The following PIWIL3 variants were observed in gnomAD, a reference collection of about 807,000 sequenced individuals.
The protein encoded by PIWIL3 is piwi like RNA-mediated gene silencing 3, also known as piwi-like protein 3.
In PIWIL3, 101 loss-of-function variants were observed where a neutral mutation model predicts 109.7. The observed-to-expected ratio is 0.92, with a 90% confidence interval of 0.78 to 1.09. The LOEUF is 1.09. Among genes scored for constraint, PIWIL3 ranks in the 50% least tolerant of loss-of-function variants. PIWIL3 has a pLI of 0.00. For synonymous variants in PIWIL3, 373 were observed against 376.4 expected, an observed-to-expected ratio of 0.99 and a Z score of 0.10; for missense variants, 1,031 against 1,072.6, an observed-to-expected ratio of 0.96 and a Z score of 0.54.
chr22:24,760,138 C>T, intron 2 of PIWIL3, 149 bp from the exon 3 acceptor site: 3 of 1,072,072 alleles, frequency 2.8e-6, no homozygotes, highest in Non-Finnish European at 4.0e-6. Context: ...AAGCAACATA[C>T]ATAGCACCTT....
chr22:24,761,010 G>C (rs1394652649), intron 2 of PIWIL3, among the ~76,000 whole-genome samples: 3 of 152,038 alleles, frequency 2.0e-5, no homozygotes, highest in African/African-American at 7.2e-5. Context: ...TGAGGTCATG[G>C]AGATAGGATG....
At chr22:24,771,102 C>T (rs1041601308) in intron 1 of PIWIL3, among the ~76,000 whole-genome samples, 3 of 151,958 alleles carry the variant, frequency 2.0e-5, no homozygotes, top group African/African-American at 7.3e-5. Flanking sequence ...TTCACTCAGC[C>T]CTAAAACTTA....
chr22:24,744,207 A>AAAAAAAAAAAAAAC (rs1569103685), intron 12 of PIWIL3, among the ~76,000 whole-genome samples: 1 of 135,036 alleles, frequency 7.4e-6, no homozygotes. Flanking sequence ...AAAAAAAAAA[A>AAAAAAAAAAAAAAC]CAATGATCTG....
Position 24,728,216 on chromosome 22 carries a change from A to C in PIWIL3, c.1866T>G (p.Asn622Lys). ...TIVTKIAQQM[N>K]CKMGGALWKV... ...TCCAGAGGGCTCCTCCCATCTTGCA[A>C]TTCATCTGCTGGGCAATCTTGGTGA... The change falls in exon 15 of 21, where the codon AAT (asparagine) becomes AAG (lysine). Residue 622 changes from asparagine to lysine, a missense_variant. Asn to Lys is a moderately conservative substitution (Grantham distance 94). Transcript: ENST00000616349. The C allele has an allele frequency of 6.2e-7, 1 of 1,614,184 alleles. No individual in the cohort carries two copies.
Position 24,734,126 on chromosome 22 carries a change from A to G in PIWIL3, c.1665T>C (p.Tyr555=). The part of the protein sequence containing the change: ...MIEVDGDANS[Y]IDTLRKYTRP... ...TAGTATATTTCCGTAATGTGTCTATATAGGAGTTAGCATCACCATCTACTT... is the reference window on the plus strand; with the variant it reads ...TAGTATATTTCCGTAATGTGTCTATGTAGGAGTTAGCATCACCATCTACTT... Residue 555 remains tyrosine, a synonymous_variant, in exon 14 of 21, where the codon TAT becomes TAC. Coordinates refer to ENST00000616349, the MANE Select transcript of PIWIL3 (RefSeq NM_001255975.1). 1.2e-6 allele frequency: 2 copies of G among 1,613,084 alleles called. No individual in the cohort carries two copies. Among genetic ancestry groups the G allele is most frequent in the Non-Finnish European group, 1.7e-6 (2 of 1,179,666 alleles).
intron 4 of PIWIL3, among the ~76,000 whole-genome samples, chr22:24,757,209 A>G (rs1480358301): frequency 1.3e-5 from 2 of 152,156 alleles, no homozygotes; most frequent in Non-Finnish European, 2.9e-5. Flanking sequence ...TTATGCAAGC[A>G]TACATTTAGG....
At chr22:24,720,522 C>T (rs935595107) in intron 19 of PIWIL3, among the ~76,000 whole-genome samples, 5 of 152,062 alleles carry the variant, frequency 3.3e-5, no homozygotes, top group South Asian at 2.1e-4. Context: ...CTGCCTGCCT[C>T]GGCCTCCCAA....
At chr22:24,744,241 T>G (rs942210158) in intron 12 of PIWIL3, among the ~76,000 whole-genome samples, 1 of 92,116 alleles carries the variant, frequency 1.1e-5, no homozygotes, top group African/African-American at 4.0e-5. Flanking sequence ...ACACTTGACC[T>G]ATAAAGACTC....
intron 14 of PIWIL3, among the ~76,000 whole-genome samples, chr22:24,729,349 C>T (rs961263837): frequency 2.6e-5 from 4 of 152,070 alleles, no homozygotes; most frequent in East Asian, 1.9e-4. Flanking sequence ...ACACCGCAGA[C>T]GACGAGACGG....
Position 24,719,848 on chromosome 22 carries a change from G to A in PIWIL3, c.2405C>T (p.Thr802Ile), listed in dbSNP as rs1304747457. Residue 802 changes from threonine to isoleucine, a missense_variant, in exon 20 of 21, where the codon ACC (threonine) becomes ATC (isoleucine). Coordinates refer to ENST00000616349, the MANE Select transcript of PIWIL3 (RefSeq NM_001255975.1). ...VSQSVQDGTVTPTHYNVIYDT... is the reference protein window; with the variant it reads ...VSQSVQDGTVIPTHYNVIYDT... ...ATAGATGACGTTATAATGAGTGGGG[G>A]TAACAGTCCCATCTTGCACAGACTG... 1.2e-6 allele frequency: 2 copies of A among 1,611,408 alleles called. No homozygotes were observed. The highest frequency in any genetic ancestry group is 4.5e-5 in the East Asian group (2 of 44,856).
chr22:24,760,803 AGC>A (rs1925390288), intron 2 of PIWIL3, among the ~76,000 whole-genome samples: 1 of 146,782 alleles, frequency 6.8e-6, no homozygotes, highest in African/African-American at 2.5e-5. Flanking sequence ...AAAAAAAAAA[AGC>A]TGTGACAGGA....
chr22:24,773,630 A>C (rs1926252579), intron 1 of PIWIL3, among the ~76,000 whole-genome samples: 1 of 152,096 alleles, frequency 6.6e-6, no homozygotes, highest in Non-Finnish European at 1.5e-5. Context: ...GTAGGTACAC[A>C]TATACATATG....
At position 24,766,176 on chromosome 22, in the gene PIWIL3, G is replaced by A. The variant is rs151076493; in HGVS notation, c.-22-3655C>T. On this transcript the variant is annotated intron_variant, in intron 1 of 20. Transcript: ENST00000616349. ...ATTTTTTAGTATTTTTTGTGGAGAC[G>A]GGGTTTCACCATGTTGCCTGGGCTG... Among the ~76,000 whole-genome samples the A allele has an allele frequency of 6.8e-3, 1,035 of 152,112 alleles. 7 individuals carry two copies. Among genetic ancestry groups the A allele is most frequent in the Non-Finnish European group, 0.011 (759 of 67,978 alleles).
At chr22:24,759,415 C>T (rs1569110351) in intron 3 of PIWIL3, among the ~76,000 whole-genome samples, 1 of 152,142 alleles carries the variant, frequency 6.6e-6, no homozygotes, top group Non-Finnish European at 1.5e-5. Context: ...GAAGTTGGAT[C>T]ACATTAGCCG....
chr22:24,748,108 CAAT>C (rs1246397748), intron 12 of PIWIL3, among the ~76,000 whole-genome samples: 3 of 151,394 alleles, frequency 2.0e-5, no homozygotes, highest in Non-Finnish European at 4.4e-5. Context: ...GTAAAAAAAA[CAAT>C]GAGACCCTGT....
At chr22:24,724,833 A>C in intron 18 of PIWIL3, 54 bp downstream of exon 18, 1 of 1,561,134 alleles carries the variant, frequency 6.4e-7, no homozygotes. Flanking sequence ...TAACCTTCCA[A>C]AGTGCTGGGA....
At position 24,735,861 on chromosome 22, in the gene PIWIL3, C is replaced by G. The variant is rs1286151654; in HGVS notation, c.1481G>C (p.Arg494Thr). 1 of 1,607,826 alleles carries G rather than the reference C, an allele frequency of 6.2e-7. No individual in the cohort carries two copies. Among genetic ancestry groups the G allele is most frequent in the Non-Finnish European group, 8.5e-7 (1 of 1,178,238 alleles). ...AAGTAAGGGTAATTCTCTTATTTCTCTTGACCAGTCTCCTTGTGAATTGGC... is the reference window on the plus strand; with the variant it reads ...AAGTAAGGGTAATTCTCTTATTTCTGTTGACCAGTCTCCTTGTGAATTGGC... ...VKANSQGDWS[R>T]EIRELPLLNA... Residue 494 changes from arginine (R) to threonine (T), a missense_variant, in exon 13 of 21, where the codon AGA (arginine) becomes ACA (threonine). Physicochemically the swap from Arg to Thr is moderately conservative, Grantham distance 71. Transcript: ENST00000616349.
At chr22:24,744,067 G>A (rs1924167877) in intron 12 of PIWIL3, among the ~76,000 whole-genome samples, 1 of 149,030 alleles carries the variant, frequency 6.7e-6, no homozygotes. Context: ...GGAGGAAGAA[G>A]AGACTATAAA....
At chr22:24,755,555 T>C (rs916082236) in intron 6 of PIWIL3, among the ~76,000 whole-genome samples, 2 of 145,248 alleles carry the variant, frequency 1.4e-5, no homozygotes, top group African/African-American at 5.0e-5. Flanking sequence ...TAGGCAGGTA[T>C]GAGACAAAGA....
Sources: allele counts gnomAD v4.1 joint callset (sites outside exome capture counted in the v4.1 genomes callset), GRCh38; gene constraint gnomAD v4.1.1; transcripts MANE v1.5; gene names NCBI Gene and HGNC (gene_info 2026-07-23, HGNC 2026-07-21).